Variants in PHF8 observed in about 807,000 individuals in gnomAD.
PHF8 encodes histone lysine demethylase PHF8.
A neutral mutation model predicts 74.4 loss-of-function variants in PHF8; 9 were observed. That is an observed-to-expected ratio of 0.12 (90% CI 0.07 to 0.21). The LOEUF is 0.21. Among genes scored for constraint, PHF8 ranks in the 10% least tolerant of loss-of-function variants. PHF8 has a pLI of 1.00. For synonymous variants in PHF8, 311 were observed against 316.6 expected (o/e 0.98, Z 0.19); for missense variants, 478 against 816.6 (o/e 0.59, Z 5.05).
chrX:53,978,962 A>AG (rs2065433264), intron 18 of PHF8, among the ~76,000 whole-genome samples: 2 of 111,399 alleles, frequency 1.8e-5, no homozygotes, highest in African/African-American at 6.5e-5. Context: ...ATGACTACAA[A>AG]GGGGGTAGTA....
chrX:53,966,000 G>GCAAAA (rs1399162284), intron 18 of PHF8, among the ~76,000 whole-genome samples: 2 of 111,132 alleles, frequency 1.8e-5, no homozygotes, highest in Non-Finnish European at 3.8e-5. Flanking sequence ...GGCTGAAAGA[G>GCAAAA]CAAAAGGAAA....
intron 18 of PHF8, among the ~76,000 whole-genome samples, chrX:53,983,474 G>C (rs1271561433): frequency 9.0e-6 from 1 of 111,542 alleles, no homozygotes; most frequent in Non-Finnish European, 1.9e-5. Context: ...TTGCCATAAG[G>C]TTGGCAAAAA....
At chrX:54,039,454 AAATT>A (rs2066516817) in intron 2 of PHF8, among the ~76,000 whole-genome samples, 1 of 111,886 alleles carries the variant, frequency 8.9e-6, no homozygotes, top group East Asian at 2.8e-4. Flanking sequence ...TCATGGAAAA[AAATT>A]AAGGCAGTTA....
At chrX:53,984,454 A>C (rs2065528893) in intron 18 of PHF8, among the ~76,000 whole-genome samples, 2 of 112,020 alleles carry the variant, frequency 1.8e-5, no homozygotes, top group Non-Finnish European at 3.8e-5. Flanking sequence ...TGTGGTACTC[A>C]ATAAAATCTT....
chrX:54,036,570 T>G (rs2066459507), intron 2 of PHF8, among the ~76,000 whole-genome samples: 1 of 12,837 alleles, frequency 7.8e-5, no homozygotes, highest in Non-Finnish European at 1.3e-4. Context: ...AGACACTGTC[T>G]CAAAAAAAAA....
chrX:54,002,156 G>A lies in PHF8; in HGVS notation c.1140C>T (p.Arg380=), dbSNP rs1557104363. ...YVGKHILDIF[R]GLRENRRHPA... ...GACAGTTGGCAAAGGGCTCCATACC[G>A]CGAAAGATGTCCAGGATGTGCTTTC... is the stretch of plus-strand genomic sequence containing the variant. The change falls in exon 10 of 22, where the codon CGC becomes CGT. Residue 380 remains arginine, a splice_region_variant and synonymous_variant. Coordinates refer to ENST00000338154, the MANE Select transcript of PHF8 (RefSeq NM_015107.3). The A allele has an allele frequency of 1.0e-5, 12 of 1,154,625 alleles. No individual in the cohort carries two copies. The East Asian group carries it at 1.5e-4, about 14-fold the overall frequency.
chrX:54,023,193 T>A (rs1452029785), intron 2 of PHF8, among the ~76,000 whole-genome samples: 1 of 110,966 alleles, frequency 9.0e-6, no homozygotes. Context: ...GCCAGGCTGG[T>A]CTCAAACTCC....
intron 19 of PHF8, among the ~76,000 whole-genome samples, chrX:53,951,405 T>A (rs1557086854): frequency 9.0e-6 from 1 of 111,657 alleles, no homozygotes; most frequent in African/African-American, 3.2e-5. Context: ...AACTCCAAGC[T>A]GAACAAATTT....
intron 2 of PHF8, among the ~76,000 whole-genome samples, chrX:54,032,946 A>G (rs1557112973): frequency 9.0e-6 from 1 of 111,254 alleles, no homozygotes; most frequent in East Asian, 2.8e-4. Context: ...ACTCCTCCCT[A>G]TCCCTCCAAG....
chrX:54,037,731 A>G (rs2066487470), intron 2 of PHF8, among the ~76,000 whole-genome samples: 1 of 112,722 alleles, frequency 8.9e-6, no homozygotes. Flanking sequence ...GAATAGTCCT[A>G]TAACTACTAA....
chrX:53,984,356 A>C (rs184299402), intron 18 of PHF8, among the ~76,000 whole-genome samples: 1 of 111,964 alleles, frequency 8.9e-6, no homozygotes, highest in Non-Finnish European at 1.9e-5. Flanking sequence ...AATGAGGGAG[A>C]TTCTGTCTCA....
At position 53,987,128 on chromosome X, in the gene PHF8, A is replaced by G; in HGVS notation, c.1945T>C (p.Ser649Pro). The change falls in exon 16 of 22, where the codon TCT becomes CCT. Residue 649 changes from serine (S) to proline (P), a missense_variant. This residue lies in a region of PHF8 where 45 missense variants were observed against 94.4 expected (regional missense o/e 0.48). Coordinates refer to ENST00000338154, the MANE Select transcript of PHF8 (RefSeq NM_015107.3). ...PRKLPRAKPC[S>P]DPNRVREPGE... is the part of the protein sequence containing the mutation. The stretch of plus-strand genomic sequence containing the variant: ...GGTTCACGAACTCGGTTGGGGTCAG[A>G]GCAAGGCTTCGCACGGGGCAATTTC... 8.3e-7 allele frequency: 1 copy of G among 1,204,083 alleles called. No individual in the cohort carries two copies. The highest frequency in any genetic ancestry group is 1.1e-6 in the Non-Finnish European group (1 of 888,650).
intron 7 of PHF8, among the ~76,000 whole-genome samples, chrX:54,013,282 A>G (rs1325793149): frequency 8.9e-6 from 1 of 112,084 alleles, no homozygotes; most frequent in Admixed American, 9.5e-5. Context: ...GAAACTATGG[A>G]AATCCTGACT....
intron 18 of PHF8, among the ~76,000 whole-genome samples, chrX:53,983,470 T>C (rs1860718462): frequency 9.0e-6 from 1 of 111,612 alleles, no homozygotes; most frequent in African/African-American, 3.3e-5. Context: ...TCTTTTGCCA[T>C]AAGGTTGGCA....
Position 53,992,764 on chromosome X carries a change from G to A in PHF8, c.1702C>T (p.Pro568Ser), listed in dbSNP as rs376393889. The change falls in exon 14 of 22, where the codon CCA becomes TCA. Residue 568 changes from proline (P) to serine (S), a missense_variant. Pro to Ser is a moderately conservative substitution (Grantham distance 74). Around this residue, in one of 9 missense-constraint regions of PHF8, gnomAD observed 153 missense variants for 164.8 expected, o/e 0.93. Coordinates refer to ENST00000338154, the MANE Select transcript of PHF8 (RefSeq NM_015107.3). ...CCGTTAGACATCAATAGGGCCAATGGGCTCTCATTTCCATCAAGGTCCAAG... is the reference window on the plus strand; with the variant it reads ...CCGTTAGACATCAATAGGGCCAATGAGCTCTCATTTCCATCAAGGTCCAAG... ...PDLDLDGNES[P>S]LALLMSNGST... The A allele has an allele frequency of 1.3e-5, 15 of 1,194,195 alleles. No homozygotes were observed. The highest frequency in any genetic ancestry group is 1.7e-5 in the Non-Finnish European group (15 of 882,478).
intron 18 of PHF8, among the ~76,000 whole-genome samples, chrX:53,983,994 A>T (rs1557098732): frequency 8.9e-6 from 1 of 112,729 alleles, no homozygotes; most frequent in Non-Finnish European, 1.9e-5. Context: ...GTTAGTCAAA[A>T]AGAATTTTTG....
At chrX:53,987,714 C>T (rs1242256589) in intron 15 of PHF8, 52 bp downstream of exon 15, 1 of 1,053,850 alleles carries the variant, frequency 9.5e-7, no homozygotes, top group African/African-American at 1.8e-5. Flanking sequence ...CGTCTCAAAA[C>T]AAACAAACAA....
At chrX:53,961,944 C>T (rs986748537) in intron 19 of PHF8, among the ~76,000 whole-genome samples, 1 of 112,012 alleles carries the variant, frequency 8.9e-6, no homozygotes, top group African/African-American at 3.2e-5. Context: ...GGCTTGGCCA[C>T]GTAACTTGTT....
chrX:54,004,531 G>T (rs1557104886), intron 8 of PHF8, among the ~76,000 whole-genome samples: 2 of 111,688 alleles, frequency 1.8e-5, no homozygotes, highest in Non-Finnish European at 3.8e-5. Context: ...ATCATCATAA[G>T]AATACCTTAG....
Sources: gnomAD v4.1 joint callset for allele counts (sites outside exome capture counted in the v4.1 genomes callset) on GRCh38, gnomAD v4.1.1 for gene constraint, gnomAD v4.1.1 regional missense constraint, MANE v1.5 for transcripts, NCBI Gene and HGNC (gene_info 2026-07-23, HGNC 2026-07-21) for gene names.